KAT6B: variants seen among roughly 807,000 people sequenced by gnomAD.
KAT6B encodes the protein histone acetyltransferase KAT6B.
In KAT6B, 10 loss-of-function variants were observed where a neutral mutation model predicts 187.5. The observed-to-expected ratio is 0.05, with a 90% CI of 0.03 to 0.09. The LOEUF (loss-of-function observed/expected upper bound fraction) is 0.09. Ranked by LOEUF, KAT6B falls within the 10% of genes least tolerant of loss-of-function variation. The pLI is 1.00. For missense variants in KAT6B, 1,952 were observed against 2,558.9 expected (o/e 0.76, Z 5.12); for synonymous variants, 861 against 926.8 (o/e 0.93, Z 1.29).
At chr10:74,845,037 T>A (rs1356503301) in intron 3 of KAT6B, among the ~76,000 whole-genome samples, 3 of 151,748 alleles carry the variant, frequency 2.0e-5, no homozygotes, top group African/African-American at 7.3e-5. Flanking sequence ...GGCAACATAG[T>A]AAGACCCCTG....
At position 75,028,687 on chromosome 10, in the gene KAT6B, C is replaced by T; in HGVS notation, c.3863C>T (p.Thr1288Ile). 6.2e-7 allele frequency: 1 copy of T among 1,614,030 alleles called. No individual in the cohort carries two copies. The highest frequency in any genetic ancestry group is 8.5e-7 in the Non-Finnish European group (1 of 1,180,024). ...CCCATGGAGCCTGACGAGCAGGTAA[C>T]AGTGGAAGAACAGAAGGAGACTTCA... is the stretch of plus-strand genomic sequence containing the variant. Reference protein sequence around the residue: ...ETPMEPDEQVTVEEQKETSEG... With the variant: ...ETPMEPDEQVIVEEQKETSEG... Residue 1288 changes from threonine to isoleucine, a missense_variant, in exon 18 of 18, where the codon ACA becomes ATA. By Grantham distance (89) the Thr-to-Ile change is moderately conservative. Transcript: ENST00000287239.
At chr10:74,995,708 A>C (rs1279755969) in intron 13 of KAT6B, among the ~76,000 whole-genome samples, 1 of 152,222 alleles carries the variant, frequency 6.6e-6, no homozygotes. Flanking sequence ...ATGCATGTAT[A>C]CAGTTTGCTT....
At chr10:74,963,323 G>T (rs1358695573) in intron 4 of KAT6B, among the ~76,000 whole-genome samples, 1 of 152,156 alleles carries the variant, frequency 6.6e-6, no homozygotes, top group Non-Finnish European at 1.5e-5. Flanking sequence ...ATGAAATTTT[G>T]TGTCTGCTGC....
At chr10:74,846,466 G>A (rs1842108995) in intron 3 of KAT6B, among the ~76,000 whole-genome samples, 1 of 151,860 alleles carries the variant, frequency 6.6e-6, no homozygotes, top group African/African-American at 2.4e-5. Flanking sequence ...TTGAGATGGA[G>A]TCTTGCTCTG....
rs1337079744 is a variant in KAT6B at position 75,029,813 on chromosome 10, A to G, written c.4989A>G (p.Val1663=). 5 of 1,614,244 alleles carry G rather than the reference A, an allele frequency of 3.1e-6. No individual in the cohort carries two copies. The Admixed American group carries it at 8.3e-5, about 27-fold the overall frequency. The change falls in exon 18 of 18, where the codon GTA becomes GTG. Residue 1663 remains valine, a synonymous_variant. Coordinates refer to ENST00000287239, the MANE Select transcript of KAT6B (RefSeq NM_012330.4). This position sits in a 1 kb window ranked among gnomAD's most constrained non-coding sequence, Gnocchi z 6.2. ...TTTCAGATCATTCACAGCAAGTCGTAGACAGTGGATTTAGTGACCTGGGCA... is the reference window on the plus strand; with the variant it reads ...TTTCAGATCATTCACAGCAAGTCGTGGACAGTGGATTTAGTGACCTGGGCA... ...PSVSDHSQQV[V]DSGFSDLGSI...
intron 17 of KAT6B, among the ~76,000 whole-genome samples, chr10:75,026,850 A>C (rs1845885207): frequency 6.6e-6 from 1 of 152,102 alleles, no homozygotes; most frequent in Admixed American, 6.6e-5. Flanking sequence ...AGAATGCAGA[A>C]TCCAGCCAGG....
At position 75,029,700 on chromosome 10, in the gene KAT6B, T is replaced by A; in HGVS notation, c.4876T>A (p.Tyr1626Asn). 1 of 1,614,168 alleles carries A rather than the reference T, an allele frequency of 6.2e-7. No individual in the cohort carries two copies. The highest frequency in any genetic ancestry group is 8.5e-7 in the Non-Finnish European group (1 of 1,180,026). Residue 1626 changes from tyrosine (Y) to asparagine (N), a missense_variant, in exon 18 of 18, where the codon TAC becomes AAC. By Grantham distance (143) the Tyr-to-Asn change is moderately radical. Around this residue, in one of 9 missense-constraint regions of KAT6B, gnomAD observed 87 missense variants for 167.5 expected, o/e 0.52. Coordinates refer to ENST00000287239, the MANE Select transcript of KAT6B (RefSeq NM_012330.4). The surrounding 1 kb of genome is among the most constrained non-coding windows in gnomAD (Gnocchi z 6.2). ...SPSVPALENSYAQISPDQSAI... is the reference protein window; with the variant it reads ...SPSVPALENSNAQISPDQSAI... ...AAGTGTCCCTGCTCTGGAAAACAGCTACGCCCAAATCAGCCCAGATCAAAG... is the reference window on the plus strand; with the variant it reads ...AAGTGTCCCTGCTCTGGAAAACAGCAACGCCCAAATCAGCCCAGATCAAAG...
At chr10:74,964,487 C>G (rs1337826592) in intron 4 of KAT6B, among the ~76,000 whole-genome samples, 1 of 152,126 alleles carries the variant, frequency 6.6e-6, no homozygotes, top group African/African-American at 2.4e-5. Flanking sequence ...TTGTTAGCCC[C>G]TTGGTCCTCT....
chr10:74,860,200 A>C (rs1161228662), intron 3 of KAT6B, among the ~76,000 whole-genome samples: 2 of 152,118 alleles, frequency 1.3e-5, no homozygotes, highest in Admixed American at 1.3e-4. Flanking sequence ...CTCTCTCCTG[A>C]AATCCATGAT....
At chr10:74,971,834 A>T (rs370867743) in intron 6 of KAT6B, among the ~76,000 whole-genome samples, 2 of 152,186 alleles carry the variant, frequency 1.3e-5, no homozygotes, top group East Asian at 3.8e-4. Context: ...TGTAAAGGAT[A>T]GGAAATAATT....
intron 3 of KAT6B, among the ~76,000 whole-genome samples, chr10:74,905,959 AT>A (rs1275611997): frequency 1.3e-5 from 2 of 152,126 alleles, no homozygotes; most frequent in Non-Finnish European, 2.9e-5. Context: ...TGAGGTGTAT[AT>A]TTTCATTAAA....
chr10:74,984,162 T>C (rs149455450), intron 11 of KAT6B: 1 of 152,340 alleles, frequency 6.6e-6, no homozygotes, highest in East Asian at 1.9e-4. Flanking sequence ...TGTGTTGCTA[T>C]GTATGGGACC....
At chr10:74,848,045 A>G (rs188422644) in intron 3 of KAT6B, among the ~76,000 whole-genome samples, 3 of 150,696 alleles carry the variant, frequency 2.0e-5, no homozygotes, top group Admixed American at 1.3e-4. Context: ...CAGCCTCCCT[A>G]GTAGCTGGGA....
chr10:75,000,952 C>T (rs1431755911), intron 13 of KAT6B, among the ~76,000 whole-genome samples: 2 of 151,956 alleles, frequency 1.3e-5, no homozygotes, highest in African/African-American at 4.8e-5. Context: ...TGCAAATGGC[C>T]CAGTTTTGTG....
At chr10:75,005,645 CCTTAA>C (rs1464129784) in intron 13 of KAT6B, among the ~76,000 whole-genome samples, 1 of 152,028 alleles carries the variant, frequency 6.6e-6, no homozygotes, top group Non-Finnish European at 1.5e-5. Flanking sequence ...AAAAGGTTTT[CCTTAA>C]CTTGTTTAGA....
At chr10:74,828,204 T>C (rs899314804) in intron 1 of KAT6B, among the ~76,000 whole-genome samples, 5 of 152,082 alleles carry the variant, frequency 3.3e-5, no homozygotes, top group South Asian at 2.1e-4. Flanking sequence ...CTGTAATTGG[T>C]AGAAGGTGTT....
At chr10:74,917,653 A>G (rs754623515) in intron 3 of KAT6B, among the ~76,000 whole-genome samples, 51 of 152,364 alleles carry the variant, frequency 3.3e-4, no homozygotes, top group Non-Finnish European at 6.3e-4. Flanking sequence ...TGCCTTTAAA[A>G]GGCCTTTGTA....
intron 1 of KAT6B, among the ~76,000 whole-genome samples, chr10:74,830,604 C>T (rs1027746666): frequency 4.0e-5 from 6 of 150,550 alleles, no homozygotes; most frequent in African/African-American, 1.5e-4. Context: ...GGTTACACTC[C>T]CTCCAGCAAT....
intron 3 of KAT6B, among the ~76,000 whole-genome samples, chr10:74,855,926 TTG>T (rs1234662849): frequency 2.0e-5 from 3 of 152,172 alleles, no homozygotes; most frequent in African/African-American, 7.2e-5. Context: ...GACTAAACTG[TTG>T]GAAACTAAAT....
Sources: gnomAD v4.1 joint callset for allele counts (sites outside exome capture counted in the v4.1 genomes callset) on GRCh38, gnomAD v4.1.1 for gene constraint, gnomAD v4.1.1 regional missense constraint, Gnocchi (gnomAD v3.1) non-coding constraint, MANE v1.5 for transcripts, NCBI Gene and HGNC (gene_info 2026-07-23, HGNC 2026-07-21) for gene names.